Variants in RSBN1L observed in about 807,000 individuals in gnomAD.
RSBN1L encodes the protein round spermatid basic protein 1 like, also known as lysine-specific demethylase RSBN1L.
Under a neutral mutation model 67.7 loss-of-function variants are expected in RSBN1L, and 30 were observed. That is an observed-to-expected ratio of 0.44 (90% CI 0.33 to 0.60). RSBN1L has a LOEUF of 0.60. Among genes scored for constraint, RSBN1L ranks in the 20% least tolerant of loss-of-function variants. The pLI, the probability that RSBN1L is intolerant of heterozygous loss-of-function variation, is 0.02. For missense variants in RSBN1L, 992 were observed against 1,031.7 expected, an observed-to-expected ratio of 0.96 and a Z score of 0.53; for synonymous variants, 433 against 387.0, an observed-to-expected ratio of 1.12 and a Z score of -1.39.
At position 77,749,658 on chromosome 7, in the gene RSBN1L, A is replaced by G. The variant is rs191333737; in HGVS notation, c.938A>G (p.Tyr313Cys). The change falls in exon 3 of 8, where the codon TAT becomes TGT. Residue 313 changes from tyrosine (Y) to cysteine (C), a missense_variant. Physicochemically the swap from Tyr to Cys is radical, Grantham distance 194. This residue lies in a region of RSBN1L where 575 missense variants were observed against 483.2 expected (regional missense o/e 1.19). Transcript: ENST00000334955. ...GGGAAGAATTTGGATACCAAGAACT[A>G]TGATTCCAAAATTCCAGAGAACAGT... ...YVGKNLDTKN[Y>C]DSKIPENSEF... 47 of 1,614,178 alleles carry G rather than the reference A, an allele frequency of 2.9e-5. 1 individual carries two copies. The highest frequency in any genetic ancestry group is 4.5e-5 in the East Asian group (2 of 44,884).
chr7:77,728,791 C>T (rs556711374), intron 1 of RSBN1L, among the ~76,000 whole-genome samples: 2 of 152,266 alleles, frequency 1.3e-5, no homozygotes, highest in South Asian at 4.1e-4. Flanking sequence ...CTATGGGGTG[C>T]CTCGCATATT....
chr7:77,738,038 A>C (rs1172635777), intron 2 of RSBN1L, among the ~76,000 whole-genome samples: 1 of 151,916 alleles, frequency 6.6e-6, no homozygotes, highest in African/African-American at 2.4e-5. Flanking sequence ...AAAAAAAAGA[A>C]AAGAAAAAGT....
intron 1 of RSBN1L, among the ~76,000 whole-genome samples, chr7:77,711,644 G>A (rs1790976717): frequency 6.6e-6 from 1 of 152,190 alleles, no homozygotes. Flanking sequence ...TGCCCAGCCT[G>A]TATTGTTAAA....
chr7:77,704,830 T>C (rs560523594), intron 1 of RSBN1L, among the ~76,000 whole-genome samples: 1 of 151,896 alleles, frequency 6.6e-6, no homozygotes, highest in South Asian at 2.1e-4. Context: ...AATACAAAAA[T>C]TAGGTGTGTC....
chr7:77,740,983 TTC>T lies in RSBN1L; in HGVS notation c.703+4459_703+4460del, dbSNP rs1219688302. Among the ~76,000 whole-genome samples the T allele has an allele frequency of 8.1e-4, 102 of 125,264 alleles. No homozygotes were observed. In the South Asian group the frequency reaches 8.3e-3, roughly 10 times the overall value. 82.2% of individuals were successfully genotyped at this position (125,264 alleles called of 152,430 possible). ...CTCCCATCAACATTTTTCTTTTCTT[TTC>T]TTTTTTTTTTTTTTTTTTTGAGACG... On this transcript the variant is annotated intron_variant, in intron 2 of 7. Transcript: ENST00000334955.
Position 77,755,346 on chromosome 7 carries a change from T to G in RSBN1L, c.1344+5282T>G, listed in dbSNP as rs187206319. ...CTAATAAACCTGTAAGTCAAAAATA[T>G]TTTTAAGTTGAAAATGCATTTAAAA... On this transcript the variant is annotated intron_variant, in intron 3 of 7. Coordinates refer to ENST00000334955, the MANE Select transcript of RSBN1L (RefSeq NM_198467.3). Among the ~76,000 whole-genome samples the G allele has an allele frequency of 3.2e-3, 480 of 152,280 alleles. 2 individuals are homozygous for G. Among genetic ancestry groups the G allele is most frequent in the Non-Finnish European group, 5.1e-3 (350 of 68,018 alleles).
At position 77,778,944 on chromosome 7, in the gene RSBN1L, G is replaced by C. The variant is rs1791955568; in HGVS notation, c.2317G>C (p.Glu773Gln). ...AGAACCTGTGAATGTTAATATTCCT[G>C]AAAAGACTACAGCACTGAATAATAT... ...KEEPVNVNIP[E>Q]KTTALNNMDG... is the part of the protein sequence containing the mutation. The change falls in exon 8 of 8, where the codon GAA becomes CAA. Residue 773 changes from glutamate (E) to glutamine (Q), a missense_variant. Physicochemically the swap from Glu to Gln is conservative, Grantham distance 29. This residue lies in a region of RSBN1L where 199 missense variants were observed against 167.7 expected (regional missense o/e 1.19). Transcript: ENST00000334955. The C allele has an allele frequency of 1.2e-6, 2 of 1,613,818 alleles. No individual in the cohort carries two copies.
chr7:77,738,188 T>C (rs746751710), intron 2 of RSBN1L, among the ~76,000 whole-genome samples: 1 of 152,192 alleles, frequency 6.6e-6, no homozygotes, highest in Non-Finnish European at 1.5e-5. Context: ...AGAAATACTT[T>C]ATAAAAGCCT....
intron 4 of RSBN1L, among the ~76,000 whole-genome samples, chr7:77,766,019 G>T (rs1197601653): frequency 2.0e-5 from 3 of 152,150 alleles, no homozygotes; most frequent in Non-Finnish European, 4.4e-5. Context: ...TAAGACAAAG[G>T]AATGGCAGTT....
chr7:77,742,180 A>ATACAC (rs60910312), intron 2 of RSBN1L, among the ~76,000 whole-genome samples: 8,792 of 81,558 alleles, frequency 0.11, 424 homozygotes, highest in Non-Finnish European at 0.13. Flanking sequence ...AAAAAAAAAA[A>ATACAC]ATACACACAC....
intron 1 of RSBN1L, 45 bp from the exon 2 acceptor site, chr7:77,736,365 T>C: frequency 1.1e-6 from 1 of 888,370 alleles, no homozygotes; most frequent in East Asian, 4.0e-5. Flanking sequence ...ATAAATGAAG[T>C]TGTAATTTTT....
chr7:77,754,728 A>T lies in RSBN1L; in HGVS notation c.1344+4664A>T, dbSNP rs1791594824. Among the ~76,000 whole-genome samples, 3 of 152,156 alleles carry T rather than the reference A, an allele frequency of 2.0e-5. No homozygotes were observed. In the South Asian group the frequency reaches 6.2e-4, roughly 31 times the overall value. Reference sequence around the variant, plus strand: ...TTAGTAATTAGCCATGGCACTATTCAGGAGGCTGAGGCAAGAGGATCACTA... The same window carrying T: ...TTAGTAATTAGCCATGGCACTATTCTGGAGGCTGAGGCAAGAGGATCACTA... On this transcript the variant is annotated intron_variant, in intron 3 of 7. Transcript: ENST00000334955.
rs1791945731 is a variant in RSBN1L at position 77,778,321 on chromosome 7, C to T, written c.1794-17C>T. 1.9e-6 allele frequency: 3 copies of T among 1,547,402 alleles called. No homozygotes were observed. On this transcript the variant is annotated splice_polypyrimidine_tract_variant and intron_variant, in intron 6 of 7. Transcript: ENST00000334955. ...AGCATTTATGGCAGATTCTTGTTAT[C>T]TCGTTTTCTTTTTTAGGCCTGATCA...
chr7:77,751,568 A>C, intron 3 of RSBN1L, among the ~76,000 whole-genome samples: 1 of 152,248 alleles, frequency 6.6e-6, no homozygotes, highest in Non-Finnish European at 1.5e-5. Context: ...CATTTTATAG[A>C]AACCCAAAAT....
At position 77,696,653 on chromosome 7, in the gene RSBN1L, A is replaced by G; in HGVS notation, c.184A>G (p.Ser62Gly). 6.2e-7 allele frequency: 1 copy of G among 1,612,646 alleles called. No homozygotes were observed. The highest frequency in any genetic ancestry group is 1.1e-5 in the South Asian group (1 of 91,084). ...GCGGAGAGTGAACGGAGAAGGGGGC[A>G]GCGGCGGGAACAGCAGGCAGCTGCA... Reference protein sequence around the residue: ...APRRVNGEGGSGGNSRQLQPP... With the variant: ...APRRVNGEGGGGGNSRQLQPP... The change falls in exon 1 of 8, where the codon AGC becomes GGC. Residue 62 changes from serine to glycine, a missense_variant. Ser to Gly is a moderately conservative substitution (Grantham distance 56, BLOSUM62 0). This residue lies in a region of RSBN1L where 575 missense variants were observed against 483.2 expected (regional missense o/e 1.19). Coordinates refer to ENST00000334955, the MANE Select transcript of RSBN1L (RefSeq NM_198467.3).
chr7:77,750,112 A>C lies in RSBN1L; in HGVS notation c.1344+48A>C, dbSNP rs1382316443. On this transcript the variant is annotated intron_variant, in intron 3 of 7. Coordinates refer to ENST00000334955, the MANE Select transcript of RSBN1L (RefSeq NM_198467.3). Reference sequence around the variant, plus strand: ...AAATAACTTTTAATTATATATTTTTAGATGAGTTTCTGTTTTTTGTTCCTA... The same window carrying C: ...AAATAACTTTTAATTATATATTTTTCGATGAGTTTCTGTTTTTTGTTCCTA... 2.6e-6 allele frequency: 3 copies of C among 1,166,524 alleles called. No individual in the cohort carries two copies. In the South Asian group the frequency reaches 6.1e-5, roughly 24 times the overall value. The allele number at this position is 1,166,524 out of a possible 1,614,324, so 72.3% of individuals were successfully genotyped here.
intron 1 of RSBN1L, among the ~76,000 whole-genome samples, chr7:77,711,734 G>A (rs1790977558): frequency 6.6e-6 from 1 of 152,144 alleles, no homozygotes; most frequent in African/African-American, 2.4e-5. Flanking sequence ...TAGAATAGTG[G>A]CATTTTGAGT....
intron 1 of RSBN1L, among the ~76,000 whole-genome samples, chr7:77,713,466 C>T (rs1791003255): frequency 6.6e-6 from 1 of 152,004 alleles, no homozygotes; most frequent in South Asian, 2.1e-4. Flanking sequence ...ACGCCATTCT[C>T]CTACCTCAGC....
intron 2 of RSBN1L, 121 bp downstream of exon 2, chr7:77,736,647 G>A: frequency 2.3e-6 from 1 of 443,508 alleles, no homozygotes; most frequent in African/African-American, 2.1e-5. Context: ...GAACAATGAT[G>A]AGGAAATGAA....
Sources: allele counts gnomAD v4.1 joint callset (sites outside exome capture counted in the v4.1 genomes callset), GRCh38; gene constraint gnomAD v4.1.1; regional missense constraint gnomAD v4.1.1; transcripts MANE v1.5; gene names NCBI Gene and HGNC (gene_info 2026-07-23, HGNC 2026-07-21).